Variants in USP15 observed in about 807,000 individuals in gnomAD.
The protein encoded by USP15 is ubiquitin specific peptidase 15.
In USP15, 18 loss-of-function variants were observed where a neutral mutation model predicts 127.1. The ratio of observed to expected loss-of-function variants is 0.14; its 90% CI spans 0.10 to 0.21. The LOEUF (loss-of-function observed/expected upper bound fraction) is 0.21, where lower values mean the gene tolerates loss of function less well. USP15 is among the 10% of genes least tolerant of loss of function. The pLI is 1.00. For synonymous variants in USP15, 364 were observed against 393.7 expected (o/e 0.92, Z 0.89); for missense variants, 805 against 1,159.9 (o/e 0.69, Z 4.44).
At chr12:62,358,088 AAATT>A (rs2066194027) in intron 8 of USP15, among the ~76,000 whole-genome samples, 1 of 152,126 alleles carries the variant, frequency 6.6e-6, no homozygotes, top group Non-Finnish European at 1.5e-5. Flanking sequence ...GTAACCTCTT[AAATT>A]AATTCAGTGT....
At chr12:62,402,740 T>C (rs144081994) in intron 21 of USP15, among the ~76,000 whole-genome samples, 1 of 152,206 alleles carries the variant, frequency 6.6e-6, no homozygotes, top group African/African-American at 2.4e-5. Flanking sequence ...AGACATTTTC[T>C]TACAGACTAT....
chr12:62,261,304 T>G (rs947988548), intron 1 of USP15, among the ~76,000 whole-genome samples: 2 of 152,222 alleles, frequency 1.3e-5, no homozygotes, highest in African/African-American at 4.8e-5. Flanking sequence ...TACTGAAGGA[T>G]GTATGTGGAC....
chr12:62,282,902 A>G (rs2063693001), intron 1 of USP15, among the ~76,000 whole-genome samples: 1 of 152,224 alleles, frequency 6.6e-6, no homozygotes, highest in Admixed American at 6.5e-5. Flanking sequence ...TAGAATTTCT[A>G]TACTTTTCCA....
At chr12:62,353,342 A>G (rs1278334430) in intron 7 of USP15, among the ~76,000 whole-genome samples, 1 of 152,074 alleles carries the variant, frequency 6.6e-6, no homozygotes, top group Non-Finnish European at 1.5e-5. Context: ...TATCCCATCA[A>G]ATTCCATCAT....
intron 1 of USP15, chr12:62,277,616 A>G (rs2063530043): frequency 2.0e-5 from 3 of 152,126 alleles, no homozygotes; most frequent in African/African-American, 7.2e-5. Flanking sequence ...GGGTTGTCCC[A>G]TCTTTTGGCT....
chr12:62,382,963 C>T (rs1442257422), intron 9 of USP15, among the ~76,000 whole-genome samples: 2 of 151,834 alleles, frequency 1.3e-5, no homozygotes, highest in Non-Finnish European at 2.9e-5. Context: ...AATCCTTTGA[C>T]AAATAGTGAA....
chr12:62,329,456 T>C (rs1485487341), intron 6 of USP15, among the ~76,000 whole-genome samples: 4 of 152,178 alleles, frequency 2.6e-5, no homozygotes, highest in African/African-American at 7.2e-5. Flanking sequence ...TGTTCAAATT[T>C]AGTAGATCTG....
intron 3 of USP15, chr12:62,304,576 A>G: frequency 3.1e-6 from 1 of 319,074 alleles, no homozygotes. Flanking sequence ...TGATTGCATT[A>G]AAGAATCTAG....
chr12:62,396,297 A>G lies in USP15; in HGVS notation c.2573A>G (p.Asp858Gly). 1.9e-6 allele frequency: 3 copies of G among 1,575,586 alleles called. No individual in the cohort carries two copies. The highest frequency in any genetic ancestry group is 2.6e-6 in the Non-Finnish European group (3 of 1,164,892). ...AACTTGGTTTCTTTTTTAAACAGTG[A>G]CTTGGATATGTCGGAATTCTTAATT... Reference protein sequence around the residue: ...LDTLVDFPINDLDMSEFLINP... With the variant: ...LDTLVDFPINGLDMSEFLINP... Residue 858 changes from aspartate (D) to glycine (G), a missense_variant and splice_region_variant, in exon 20 of 22, where the codon GAC becomes GGC. Physicochemically the swap from Asp to Gly is moderately conservative, Grantham distance 94. This residue lies in a region of USP15 where 116 missense variants were observed against 157.2 expected (regional missense o/e 0.74). Coordinates refer to ENST00000280377, the MANE Select transcript of USP15 (RefSeq NM_001252078.2).
chr12:62,298,520 G>A (rs2064202870), intron 2 of USP15, among the ~76,000 whole-genome samples: 1 of 152,042 alleles, frequency 6.6e-6, no homozygotes, highest in African/African-American at 2.4e-5. Flanking sequence ...CAAAAAATTA[G>A]CTGGGTGTGG....
rs1195346802 is a variant in USP15 at position 62,414,484 on chromosome 12, G to T, written c.*10109G>T. The T allele has an allele frequency of 6.6e-6, 1 of 152,238 alleles. No homozygotes were observed. The highest frequency in any genetic ancestry group is 1.5e-5 in the Non-Finnish European group (1 of 68,124). 9.4% of individuals were successfully genotyped at this position (152,238 alleles called of 1,614,324 possible). Reference sequence around the variant, plus strand: ...GCCTCCGAAGTAGCTGGGTCTACAGGCATGTGCCACCACACCACACCTGGC... The same window carrying T: ...GCCTCCGAAGTAGCTGGGTCTACAGTCATGTGCCACCACACCACACCTGGC... On this transcript the variant is annotated 3_prime_UTR_variant, in exon 22 of 22. Coordinates refer to ENST00000280377, the MANE Select transcript of USP15 (RefSeq NM_001252078.2).
chr12:62,302,080 T>C (rs1037124614), intron 2 of USP15, among the ~76,000 whole-genome samples: 48 of 152,310 alleles, frequency 3.2e-4, no homozygotes, highest in African/African-American at 1.0e-3. Flanking sequence ...GAATCACATC[T>C]GAAGAATTAC....
At position 62,391,287 on chromosome 12, in the gene USP15, G is replaced by A. The variant is rs1165813872; in HGVS notation, c.2091G>A (p.Glu697=). ...ATTCTGAAAATGGATTATGTACTGA[G>A]GATACTTGCAAAGGTCAACTCACGG... ...DNDSENGLCT[E]DTCKGQLTGH... The change falls in exon 16 of 22, where the codon GAG becomes GAA. Residue 697 remains glutamate, a synonymous_variant. Coordinates refer to ENST00000280377, the MANE Select transcript of USP15 (RefSeq NM_001252078.2). 5 of 1,613,554 alleles carry A rather than the reference G, an allele frequency of 3.1e-6. No homozygotes were observed. The highest frequency in any genetic ancestry group is 4.2e-6 in the Non-Finnish European group (5 of 1,179,708).
intron 11 of USP15, among the ~76,000 whole-genome samples, chr12:62,388,018 G>T (rs1044111946): frequency 4.0e-5 from 6 of 151,840 alleles, no homozygotes; most frequent in Non-Finnish European, 8.8e-5. Flanking sequence ...GGAAGTTGGA[G>T]ATTTTCCCAC....
chr12:62,281,595 T>A (rs1055448634), intron 1 of USP15, among the ~76,000 whole-genome samples: 1 of 152,192 alleles, frequency 6.6e-6, no homozygotes, highest in Non-Finnish European at 1.5e-5. Flanking sequence ...CATCTTGGCC[T>A]CCCACAGTGC....
At chr12:62,337,449 G>C (rs994009435) in intron 6 of USP15, among the ~76,000 whole-genome samples, 11 of 151,966 alleles carry the variant, frequency 7.2e-5, no homozygotes, top group African/African-American at 2.4e-4. Context: ...GTTTTGTTTT[G>C]TTTTGTTTTT....
rs1055325953 is a variant in USP15 at position 62,412,469 on chromosome 12, T to C, written c.*8094T>C. ...TATTTGATACCCACAGTAGAACTTC[T>C]TTCCGAACTTCTTTCACAATTGGAG... On this transcript the variant is annotated 3_prime_UTR_variant, in exon 22 of 22. Coordinates refer to ENST00000280377, the MANE Select transcript of USP15 (RefSeq NM_001252078.2). 6.5e-6 allele frequency: 1 copy of C among 152,816 alleles called. No homozygotes were observed. The highest frequency in any genetic ancestry group is 2.4e-5 in the African/African-American group (1 of 41,484). The allele number at this position is 152,816 out of a possible 1,614,324, so 9.5% of individuals were successfully genotyped here. A position where few individuals can be genotyped will look rare whatever the true frequency, so the allele number is the denominator to read the frequency against.
chr12:62,288,326 G>A (rs2063842346), intron 1 of USP15, among the ~76,000 whole-genome samples: 1 of 138,714 alleles, frequency 7.2e-6, no homozygotes, highest in South Asian at 2.3e-4. Flanking sequence ...TTGATTAGAT[G>A]TGTTCCCTGG....
At chr12:62,354,366 AT>A (rs1213200152) in intron 7 of USP15, among the ~76,000 whole-genome samples, 1 of 152,072 alleles carries the variant, frequency 6.6e-6, no homozygotes, top group Middle Eastern at 3.4e-3. Flanking sequence ...AAGCTGTTCT[AT>A]TTATAGCATC....
Sources: gnomAD v4.1 joint callset for allele counts (sites outside exome capture counted in the v4.1 genomes callset) on GRCh38, gnomAD v4.1.1 for gene constraint, gnomAD v4.1.1 regional missense constraint, MANE v1.5 for transcripts, NCBI Gene and HGNC (gene_info 2026-07-23, HGNC 2026-07-21) for gene names.